Variants in SLC38A9 observed in about 807,000 individuals in gnomAD.
SLC38A9 encodes the protein solute carrier family 38 member 9, also known as neutral amino acid transporter 9.
SLC38A9 carries 48 observed loss-of-function variants against 62.3 expected under a neutral mutation model. That is an observed-to-expected ratio of 0.77 (90% CI 0.61 to 0.98). The LOEUF (loss-of-function observed/expected upper bound fraction) is 0.98. Among genes scored for constraint, SLC38A9 ranks in the 50% least tolerant of loss-of-function variants. The pLI is 0.00. For synonymous variants in SLC38A9, 204 were observed against 227.7 expected (o/e 0.90, Z 0.94); for missense variants, 541 against 679.8 (o/e 0.80, Z 2.27).
chr5:55,693,631 C>T lies in SLC38A9; in HGVS notation c.113+4215G>A, dbSNP rs529846918. On this transcript the variant is annotated intron_variant, in intron 3 of 15. Coordinates refer to ENST00000396865, the MANE Select transcript of SLC38A9 (RefSeq NM_173514.4). ...ATGGATTAAAATTTGAAGACTATGACATCTTCAGAGTCTTCCCAATGAGAG... is the reference window on the plus strand; with the variant it reads ...ATGGATTAAAATTTGAAGACTATGATATCTTCAGAGTCTTCCCAATGAGAG... 2.0e-5 allele frequency among the ~76,000 whole-genome samples: 3 copies of T among 152,306 alleles called. No homozygotes were observed. The South Asian group carries it at 6.2e-4, about 32-fold the overall frequency.
At chr5:55,711,629 C>G (rs1758060086) in intron 1 of SLC38A9, 130 bp from the exon 2 acceptor site, 1 of 152,200 alleles carries the variant, frequency 6.6e-6, no homozygotes, top group Non-Finnish European at 1.5e-5. Flanking sequence ...AAAAGCGTGG[C>G]GAGGGCTTAC....
chr5:55,681,910 G>T (rs1173722599), intron 3 of SLC38A9, among the ~76,000 whole-genome samples: 1 of 152,034 alleles, frequency 6.6e-6, no homozygotes, highest in African/African-American at 2.4e-5. Context: ...TTTGTCTATG[G>T]CTACTCCCAC....
chr5:55,650,431 G>A (rs1020049239), intron 10 of SLC38A9, among the ~76,000 whole-genome samples: 5 of 152,204 alleles, frequency 3.3e-5, no homozygotes, highest in Non-Finnish European at 7.3e-5. Context: ...AGGAGCTGAA[G>A]AATGAACAAT....
intron 1 of SLC38A9, among the ~76,000 whole-genome samples, chr5:55,711,935 C>T (rs1045432858): frequency 7.9e-5 from 12 of 152,178 alleles, no homozygotes; most frequent in African/African-American, 2.7e-4. Flanking sequence ...CAGCTGACAC[C>T]GACTCCCATA....
At chr5:55,710,248 G>C (rs1309461841) in intron 2 of SLC38A9, among the ~76,000 whole-genome samples, 1 of 148,070 alleles carries the variant, frequency 6.8e-6, no homozygotes, top group African/African-American at 2.5e-5. Flanking sequence ...TGTGGCTCAG[G>C]CTGGAGTGCA....
At chr5:55,628,764 A>C (rs1742916343) in intron 14 of SLC38A9, among the ~76,000 whole-genome samples, 1 of 152,218 alleles carries the variant, frequency 6.6e-6, no homozygotes, top group Non-Finnish European at 1.5e-5. Context: ...AATATTTACT[A>C]AATACTTTAA....
chr5:55,689,076 T>C (rs918179639), intron 3 of SLC38A9, among the ~76,000 whole-genome samples: 2 of 152,178 alleles, frequency 1.3e-5, no homozygotes, highest in African/African-American at 4.8e-5. Context: ...CTGTATACAC[T>C]AAACAAAGAT....
intron 3 of SLC38A9, among the ~76,000 whole-genome samples, chr5:55,677,926 TTGTGTG>T (rs10682261): frequency 1.6e-4 from 18 of 112,212 alleles, no homozygotes; most frequent in South Asian, 3.3e-4. Flanking sequence ...TTTTTCTTTA[TTGTGTG>T]TGTGTGTGTG....
At chr5:55,644,058 T>A (rs917961088) in intron 12 of SLC38A9, among the ~76,000 whole-genome samples, 1 of 152,036 alleles carries the variant, frequency 6.6e-6, no homozygotes, top group Non-Finnish European at 1.5e-5. Flanking sequence ...CCCCTTGGGT[T>A]CAAGTAATTC....
intron 8 of SLC38A9, among the ~76,000 whole-genome samples, chr5:55,661,444 CAAAAAAAAAAAAAAAA>C (rs3072768): frequency 1.5e-5 from 1 of 67,644 alleles, no homozygotes; most frequent in Non-Finnish European, 2.6e-5. Flanking sequence ...GACTCCGTCT[CAAAAAAAAAAAAAAAA>C]AAAAAAAAAA....
chr5:55,669,190 A>G, intron 7 of SLC38A9, 38 bp downstream of exon 7: 1 of 1,465,230 alleles, frequency 6.8e-7, no homozygotes, highest in Non-Finnish European at 9.5e-7. Flanking sequence ...AATGCTTATT[A>G]ATACCCATAA....
chr5:55,687,572 A>T (rs62362054), intron 3 of SLC38A9, among the ~76,000 whole-genome samples: 83,061 of 152,008 alleles, frequency 0.55, 24,035 homozygotes, highest in South Asian at 0.65. Flanking sequence ...CTATGAGCAT[A>T]TGAATGCTTT....
At chr5:55,711,991 C>T (rs1242706316) in intron 1 of SLC38A9, among the ~76,000 whole-genome samples, 3 of 152,210 alleles carry the variant, frequency 2.0e-5, no homozygotes, top group African/African-American at 4.8e-5. Context: ...GACTTTCTTT[C>T]CCTGAGCCCT....
chr5:55,707,557 G>A (rs183561168), intron 2 of SLC38A9, among the ~76,000 whole-genome samples: 48 of 152,244 alleles, frequency 3.2e-4, no homozygotes, highest in Middle Eastern at 3.4e-3. Flanking sequence ...AGGAGGCAGA[G>A]GTTGCAGAGC....
intron 9 of SLC38A9, among the ~76,000 whole-genome samples, chr5:55,654,508 G>A (rs1003566287): frequency 2.6e-5 from 4 of 152,030 alleles, no homozygotes; most frequent in South Asian, 2.1e-4. Context: ...GGGAGGTGGA[G>A]GTGGGAGGAT....
At chr5:55,645,938 G>A in intron 11 of SLC38A9, 43 bp from the exon 12 acceptor site, 1 of 1,334,634 alleles carries the variant, frequency 7.5e-7, no homozygotes, top group Non-Finnish European at 1.1e-6. Context: ...CTGACAATTA[G>A]AAAATGAGTA....
intron 7 of SLC38A9, chr5:55,665,106 A>C (rs1750245768): frequency 4.6e-6 from 1 of 215,142 alleles, no homozygotes; most frequent in East Asian, 9.2e-5. Flanking sequence ...TATAATTCAT[A>C]AAAGCAAGTG....
At chr5:55,651,227 T>TG (rs1292878542) in intron 10 of SLC38A9, among the ~76,000 whole-genome samples, 3 of 66,608 alleles carry the variant, frequency 4.5e-5, no homozygotes, top group African/African-American at 1.3e-4. Context: ...GAACTTTCAC[T>TG]GGGGGGGTTC....
intron 2 of SLC38A9, among the ~76,000 whole-genome samples, chr5:55,709,414 CT>C (rs1757708179): frequency 6.6e-6 from 1 of 151,436 alleles, no homozygotes; most frequent in South Asian, 2.1e-4. Flanking sequence ...CCCATATATA[CT>C]TTTTAAAAAA....
Sources: gnomAD v4.1 joint callset for allele counts (sites outside exome capture counted in the v4.1 genomes callset) on GRCh38, gnomAD v4.1.1 for gene constraint, MANE v1.5 for transcripts, NCBI Gene and HGNC (gene_info 2026-07-23, HGNC 2026-07-21) for gene names.